Variants in KDM4C observed in about 807,000 individuals in gnomAD.
KDM4C encodes the protein lysine-specific demethylase 4C.
A neutral mutation model predicts 129.3 loss-of-function variants in KDM4C; 81 were observed. The observed-to-expected ratio is 0.63, with a 90% confidence interval of 0.52 to 0.75. The LOEUF (loss-of-function observed/expected upper bound fraction) is 0.75, where lower values mean the gene tolerates loss of function less well. Among genes scored for constraint, KDM4C ranks in the 30% least tolerant of loss-of-function variants. The probability of loss-of-function intolerance (pLI) is 0.00; values close to 1 mark genes in which losing one functional copy is unlikely to be tolerated. For synonymous variants in KDM4C, 573 were observed against 456.1 expected, an observed-to-expected ratio of 1.26 and a Z score of -3.26; for missense variants, 1,457 against 1,304.0, an observed-to-expected ratio of 1.12 and a Z score of -1.81.
Position 7,011,717 on chromosome 9 carries a change from C to G in KDM4C, c.1806C>G (p.Ser602=). ...PSDEELPEVL[S]IEEEVEETES... ...CTTAAGAATTGCCTGAGGTTCTGTC[C>G]ATTGAGGAGGAAGTGGAAGAAACAG... is the stretch of plus-strand genomic sequence containing the variant. The change falls in exon 13 of 22, where the codon TCC becomes TCG. Residue 602 remains serine, a synonymous_variant. Transcript: ENST00000381309. The G allele has an allele frequency of 6.2e-7, 1 of 1,614,050 alleles. No individual in the cohort carries two copies. The highest frequency in any genetic ancestry group is 8.5e-7 in the Non-Finnish European group (1 of 1,179,970).
rs766514270 is a variant in KDM4C at position 6,986,380 on chromosome 9, T to G, written c.1391T>G (p.Ile464Arg). ...SCLSTSVTED[I>R]KTEDDKAYAY... ...TTAAGTACATCTGTAACAGAAGACA[T>G]AAAAACTGAGGATGACAAAGCTTAT... Residue 464 changes from isoleucine to arginine, a missense_variant, in exon 11 of 22, where the codon ATA becomes AGA. By Grantham distance (97) the Ile-to-Arg change is moderately conservative (BLOSUM62 -3). Transcript: ENST00000381309. 1.4e-5 allele frequency: 22 copies of G among 1,613,416 alleles called. No individual in the cohort carries two copies. The South Asian group carries it at 2.3e-4, about 17-fold the overall frequency.
rs117409548 is a variant in KDM4C at position 7,067,483 on chromosome 9, A to C, written c.2424+18283A>C. ...AAATGTTCCACTTAAATGACAGACC[A>C]AGCTCAGAGTTTAGGTTATCAGCCT... On this transcript the variant is annotated intron_variant, in intron 17 of 21. Coordinates refer to ENST00000381309, the MANE Select transcript of KDM4C (RefSeq NM_015061.6). Among the ~76,000 whole-genome samples the C allele has an allele frequency of 2.6e-3, 402 of 152,322 alleles. 10 individuals are homozygous for C. The highest frequency in any genetic ancestry group is 0.025 in the East Asian group (129 of 5,190).
At chr9:7,110,448 A>G (rs1838194608) in intron 18 of KDM4C, among the ~76,000 whole-genome samples, 1 of 152,168 alleles carries the variant, frequency 6.6e-6, no homozygotes, top group African/African-American at 2.4e-5. Flanking sequence ...TTGAGGGCTT[A>G]TTAATGCAAT....
intron 8 of KDM4C, among the ~76,000 whole-genome samples, chr9:6,915,862 G>A (rs1491000447): frequency 6.6e-6 from 1 of 152,124 alleles, no homozygotes; most frequent in Non-Finnish European, 1.5e-5. Flanking sequence ...ATCATGGAAG[G>A]ACCTATGCTG....
chr9:6,739,040 A>AT (rs1817609457), intron 1 of KDM4C, among the ~76,000 whole-genome samples: 1 of 148,666 alleles, frequency 6.7e-6, no homozygotes, highest in South Asian at 2.1e-4. Context: ...CCACATCCGG[A>AT]TTTTTTCCTT....
intron 15 of KDM4C, among the ~76,000 whole-genome samples, chr9:7,021,221 G>A (rs902784417): frequency 3.3e-5 from 5 of 150,560 alleles, no homozygotes; most frequent in South Asian, 4.2e-4. Flanking sequence ...GCACAATCTC[G>A]GCTCACTGCA....
At chr9:6,751,450 TTAA>T (rs57845144) in intron 1 of KDM4C, among the ~76,000 whole-genome samples, 2,296 of 151,802 alleles carry the variant, frequency 0.015, 24 homozygotes, top group Non-Finnish European at 0.026. Flanking sequence ...TGTCTTAAAA[TTAA>T]TAATAATAAT....
At chr9:6,970,430 T>C (rs1831764022) in intron 8 of KDM4C, among the ~76,000 whole-genome samples, 1 of 152,238 alleles carries the variant, frequency 6.6e-6, no homozygotes, top group African/African-American at 2.4e-5. Context: ...AGCTGGTTAC[T>C]GTGGACATAT....
At chr9:6,964,884 G>A (rs536398368) in intron 8 of KDM4C, among the ~76,000 whole-genome samples, 6 of 151,912 alleles carry the variant, frequency 3.9e-5, no homozygotes, top group African/African-American at 1.4e-4. Context: ...AGCCCAGGAG[G>A]CGGAGGTTGC....
Position 7,167,833 on chromosome 9 carries a change from A to G in KDM4C, c.2902-1965A>G, listed in dbSNP as rs574225069. On this transcript the variant is annotated intron_variant, in intron 20 of 21. Transcript: ENST00000381309. ...GTTAATATTATCATCCACTCAAGAG[A>G]GTGTTTGCTTAGTGCAAAGTGCAGC... Among the ~76,000 whole-genome samples, 17 of 152,224 alleles carry G rather than the reference A, an allele frequency of 1.1e-4. 1 individual carries two copies. The South Asian group carries it at 3.3e-3, about 30-fold the overall frequency.
chr9:7,097,082 C>T (rs1444088473), intron 17 of KDM4C, among the ~76,000 whole-genome samples: 9 of 152,256 alleles, frequency 5.9e-5, no homozygotes, highest in African/African-American at 1.2e-4. Flanking sequence ...TTCTTCATCC[C>T]ACTCCCACAT....
At chr9:7,084,389 G>C (rs564183961) in intron 17 of KDM4C, among the ~76,000 whole-genome samples, 6 of 152,356 alleles carry the variant, frequency 3.9e-5, no homozygotes, top group East Asian at 1.9e-4. Flanking sequence ...TGTGGTGTTA[G>C]AGATGATTGT....
At chr9:7,060,498 T>G in intron 17 of KDM4C, among the ~76,000 whole-genome samples, 1 of 144,770 alleles carries the variant, frequency 6.9e-6, no homozygotes, top group African/African-American at 2.5e-5. Context: ...TTATTATTAT[T>G]TTGAGATGGA....
chr9:6,984,254 A>T lies in KDM4C; in HGVS notation c.1204A>T (p.Asn402Tyr). Residue 402 changes from asparagine to tyrosine, a missense_variant, in exon 10 of 22, where the codon AAC becomes TAC. Coordinates refer to ENST00000381309, the MANE Select transcript of KDM4C (RefSeq NM_015061.6). ...SDEVDGAEVPNPDSVTDDLKV... is the reference protein window; with the variant it reads ...SDEVDGAEVPYPDSVTDDLKV... ...TGAAGTCGATGGGGCAGAGGTCCCT[A>T]ACCCCGACTCAGTCACAGATGACCT... is the stretch of plus-strand genomic sequence containing the variant. The T allele has an allele frequency of 6.2e-7, 1 of 1,614,024 alleles. No individual in the cohort carries two copies. The highest frequency in any genetic ancestry group is 1.6e-4 in the Middle Eastern group (1 of 6,062).
At chr9:6,955,459 G>T (rs1237180021) in intron 8 of KDM4C, among the ~76,000 whole-genome samples, 1 of 152,128 alleles carries the variant, frequency 6.6e-6, no homozygotes, top group African/African-American at 2.4e-5. Flanking sequence ...GAGTATAGAG[G>T]CCCCTTTTCC....
At chr9:6,966,146 T>G (rs1379583519) in intron 8 of KDM4C, among the ~76,000 whole-genome samples, 1 of 152,182 alleles carries the variant, frequency 6.6e-6, no homozygotes, top group Non-Finnish European at 1.5e-5. Flanking sequence ...TTAGACACCT[T>G]AAGATTAAGA....
chr9:6,797,045 C>T (rs568201238), intron 2 of KDM4C, among the ~76,000 whole-genome samples: 5 of 149,576 alleles, frequency 3.3e-5, no homozygotes, highest in East Asian at 2.0e-4. Flanking sequence ...GTGGTGTGAT[C>T]GTGGCTCACT....
intron 19 of KDM4C, among the ~76,000 whole-genome samples, chr9:7,156,791 T>C (rs201758031): frequency 1.2e-4 from 18 of 152,284 alleles, no homozygotes; most frequent in African/African-American, 3.6e-4. Flanking sequence ...TAGCGTGATG[T>C]CTCCAGCTTT....
rs1306844072 is a variant in KDM4C, at chr9:7,023,535, CTT to C, written c.2259+7607_2259+7608del. Among the ~76,000 whole-genome samples, 12 of 151,784 alleles carry C rather than the reference CTT, an allele frequency of 7.9e-5. No individual in the cohort carries two copies. The East Asian group carries it at 2.1e-3, about 27-fold the overall frequency. On this transcript the variant is annotated intron_variant, in intron 15 of 21. Transcript: ENST00000381309. Reference sequence around the variant, plus strand: ...TTATTTTGATCTTCTCTCCTTTTTTCTTACTCTGGGTAGAGGTTTGTCAGTTT... The same window carrying C: ...TTATTTTGATCTTCTCTCCTTTTTTCACTCTGGGTAGAGGTTTGTCAGTTT...
Sources: gnomAD v4.1 joint callset for allele counts (sites outside exome capture counted in the v4.1 genomes callset) on GRCh38, gnomAD v4.1.1 for gene constraint, MANE v1.5 for transcripts, NCBI Gene and HGNC (gene_info 2026-07-23, HGNC 2026-07-21) for gene names.